EFCAB14: variants seen among roughly 807,000 people sequenced by gnomAD.
EFCAB14 encodes the protein EF-hand calcium binding domain 14, also known as EF-hand calcium-binding domain-containing protein 14.
Under a neutral mutation model 56.5 loss-of-function variants are expected in EFCAB14, and 43 were observed. That is an observed-to-expected ratio of 0.76 (90% CI 0.60 to 0.98). The LOEUF (loss-of-function observed/expected upper bound fraction) is 0.98, where lower values mean the gene tolerates loss of function less well. Ranked by LOEUF, EFCAB14 falls within the 50% of genes least tolerant of loss-of-function variation. The pLI, the probability that EFCAB14 is intolerant of heterozygous loss-of-function variation, is 0.00. For missense variants in EFCAB14, 538 were observed against 580.3 expected (o/e 0.93, Z 0.75); for synonymous variants, 235 against 212.9 (o/e 1.10, Z -0.90).
intron 10 of EFCAB14, among the ~76,000 whole-genome samples, chr1:46,679,409 T>C (rs938961701): frequency 2.0e-5 from 3 of 152,036 alleles, no homozygotes; most frequent in African/African-American, 7.2e-5. Context: ...CAAGTGATTC[T>C]TGTGCTTCAG....
intron 2 of EFCAB14, among the ~76,000 whole-genome samples, chr1:46,709,438 C>T (rs146255328): frequency 1.6e-4 from 25 of 152,212 alleles, no homozygotes; most frequent in East Asian, 1.9e-4. Context: ...CCAGGACACT[C>T]GGACCACTGC....
At chr1:46,711,374 C>T (rs904750233) in intron 2 of EFCAB14, among the ~76,000 whole-genome samples, 1 of 152,192 alleles carries the variant, frequency 6.6e-6, no homozygotes, top group Admixed American at 6.5e-5. Flanking sequence ...GCAGTCTATA[C>T]GCATGAACTA....
At chr1:46,688,774 A>G (rs1676930878) in intron 6 of EFCAB14, among the ~76,000 whole-genome samples, 1 of 152,180 alleles carries the variant, frequency 6.6e-6, no homozygotes. Context: ...AGGACTACCT[A>G]CATGATTCAC....
chr1:46,688,495 A>G lies in EFCAB14; in HGVS notation c.845T>C (p.Val282Ala). 1 of 1,613,898 alleles carries G rather than the reference A, an allele frequency of 6.2e-7. No individual in the cohort carries two copies. The highest frequency in any genetic ancestry group is 8.5e-7 in the Non-Finnish European group (1 of 1,179,846). The change falls in exon 7 of 11, where the codon GTG becomes GCG. Residue 282 changes from valine to alanine, a missense_variant. Coordinates refer to ENST00000371933, the MANE Select transcript of EFCAB14 (RefSeq NM_014774.3). ...AAGATCATTCTGTCTCTGGTACCCC[A>G]CTAGGGCACTGTTTACCTCCTCTAA... ...NSLEEVNSAL[V>A]GYQRQNDLKL... is the part of the protein sequence containing the mutation.
chr1:46,687,641 A>C (rs1676906803), intron 7 of EFCAB14, among the ~76,000 whole-genome samples: 1 of 152,136 alleles, frequency 6.6e-6, no homozygotes, highest in Non-Finnish European at 1.5e-5. Flanking sequence ...GCTATATGAA[A>C]TCTTTAAGGG....
intron 7 of EFCAB14, among the ~76,000 whole-genome samples, chr1:46,687,987 C>T (rs1202813583): frequency 6.6e-6 from 1 of 152,136 alleles, no homozygotes; most frequent in Non-Finnish European, 1.5e-5. Flanking sequence ...GCTCCCACCC[C>T]TAATAACTTA....
intron 2 of EFCAB14, 75 bp downstream of exon 2, chr1:46,716,220 G>A (rs1677387016): frequency 2.8e-6 from 4 of 1,438,118 alleles, no homozygotes; most frequent in Non-Finnish European, 3.6e-6. Context: ...CTGTACTCCA[G>A]CCTAGGCGAC....
chr1:46,710,228 G>C (rs1677289954), intron 2 of EFCAB14, among the ~76,000 whole-genome samples: 1 of 152,052 alleles, frequency 6.6e-6, no homozygotes, highest in Non-Finnish European at 1.5e-5. Context: ...TTGATATATG[G>C]TAATTGTACA....
chr1:46,718,170 C>G lies in EFCAB14; in HGVS notation c.-83G>C. 1.4e-6 allele frequency: 2 copies of G among 1,478,864 alleles called. No homozygotes were observed. Among genetic ancestry groups the G allele is most frequent in the East Asian group, 2.3e-5 (1 of 43,768 alleles). The allele number at this position is 1,478,864 out of a possible 1,614,324, so 91.6% of individuals were successfully genotyped here. A position where few individuals can be genotyped will look rare whatever the true frequency, so the allele number is the denominator to read the frequency against. On this transcript the variant is annotated 5_prime_UTR_variant, in exon 1 of 11. Coordinates refer to ENST00000371933, the MANE Select transcript of EFCAB14 (RefSeq NM_014774.3). ...GCCCAATTCTCTTCCTGCCTTGGAG[C>G]TGCCTTCCAGGGTTGGGAATCCTGG...
Position 46,708,057 on chromosome 1 carries a change from A to C in EFCAB14, c.335-6T>G. 1.2e-6 allele frequency: 2 copies of C among 1,609,500 alleles called. No individual in the cohort carries two copies. The highest frequency in any genetic ancestry group is 2.2e-5 in the South Asian group (2 of 90,676). ...GCTTTTCTGATTAGATTCCACTAAA[A>C]AGACAAAATAAGAACAATCATAACT... On this transcript the variant is annotated splice_region_variant and splice_polypyrimidine_tract_variant and intron_variant, in intron 2 of 10. Coordinates refer to ENST00000371933, the MANE Select transcript of EFCAB14 (RefSeq NM_014774.3).
chr1:46,697,938 G>A (rs1382064192), intron 3 of EFCAB14, among the ~76,000 whole-genome samples: 1 of 148,166 alleles, frequency 6.7e-6, no homozygotes, highest in Non-Finnish European at 1.5e-5. Flanking sequence ...CGCAGCCTCT[G>A]CCTCCTGGGT....
intron 5 of EFCAB14, 148 bp from the exon 6 acceptor site, chr1:46,689,839 C>T: frequency 2.9e-6 from 2 of 699,028 alleles, no homozygotes; most frequent in Non-Finnish European, 2.4e-6. Flanking sequence ...ACAGGCTAAC[C>T]AGTCTTGTGC....
intron 6 of EFCAB14, among the ~76,000 whole-genome samples, chr1:46,688,927 C>T (rs1372485978): frequency 1.3e-5 from 2 of 152,126 alleles, no homozygotes; most frequent in African/African-American, 2.4e-5. Context: ...GGAACAATAC[C>T]GATTACTGAA....
intron 3 of EFCAB14, among the ~76,000 whole-genome samples, chr1:46,704,757 T>G (rs1262502726): frequency 6.6e-6 from 1 of 152,174 alleles, no homozygotes; most frequent in East Asian, 1.9e-4. Context: ...GGAAGGAGAC[T>G]CCCTATAACA....
intron 3 of EFCAB14, among the ~76,000 whole-genome samples, chr1:46,697,316 T>A (rs1241715055): frequency 6.6e-6 from 1 of 152,174 alleles, no homozygotes; most frequent in Non-Finnish European, 1.5e-5. Flanking sequence ...AGGAATTTAA[T>A]CAAAATAAAA....
intron 1 of EFCAB14, 106 bp downstream of exon 1, chr1:46,717,797 C>A: frequency 8.0e-7 from 1 of 1,250,310 alleles, no homozygotes. Context: ...CCAAGGCCTA[C>A]ACCCTTTTTT....
intron 4 of EFCAB14, 58 bp downstream of exon 4, chr1:46,696,493 T>C (rs939230693): frequency 3.3e-6 from 5 of 1,493,056 alleles, no homozygotes; most frequent in Non-Finnish European, 4.6e-6. Context: ...TTATGGCAAA[T>C]AGTACCCACA....
intron 10 of EFCAB14, 124 bp from the exon 11 acceptor site, chr1:46,678,760 G>A: frequency 2.4e-6 from 2 of 823,750 alleles, no homozygotes; most frequent in Non-Finnish European, 1.7e-6. Context: ...GTTTCCAAAT[G>A]GTAAAGTTTA....
Position 46,686,765 on chromosome 1 carries a change from T to G in EFCAB14, c.1074+19A>C, listed in dbSNP as rs753438736. 6.2e-7 allele frequency: 1 copy of G among 1,611,248 alleles called. No homozygotes were observed. The highest frequency in any genetic ancestry group is 8.5e-7 in the Non-Finnish European group (1 of 1,177,852). The stretch of plus-strand genomic sequence containing the variant: ...TGCTGCATTTACTTTTACTTCAGGG[T>G]AAGCCTCCCATTATTTACCTTTATG... On this transcript the variant is annotated intron_variant, in intron 8 of 10. Coordinates refer to ENST00000371933, the MANE Select transcript of EFCAB14 (RefSeq NM_014774.3).
Sources: allele counts gnomAD v4.1 joint callset (sites outside exome capture counted in the v4.1 genomes callset), GRCh38; gene constraint gnomAD v4.1.1; transcripts MANE v1.5; gene names NCBI Gene and HGNC (gene_info 2026-07-23, HGNC 2026-07-21).